LONP2: variants seen among roughly 807,000 people sequenced by gnomAD.
LONP2 encodes lon protease homolog 2, peroxisomal.
In LONP2, 60 loss-of-function variants were observed where a neutral mutation model predicts 85.6. The observed-to-expected ratio is 0.70, with a 90% CI of 0.57 to 0.87. The LOEUF (loss-of-function observed/expected upper bound fraction) is 0.87, where lower values mean the gene tolerates loss of function less well. Ranked by LOEUF, LONP2 falls within the 40% of genes least tolerant of loss-of-function variation. LONP2 has a pLI of 0.00. For missense variants in LONP2, 860 were observed against 1,063.5 expected, an observed-to-expected ratio of 0.81 and a Z score of 2.66; for synonymous variants, 395 against 389.7, an observed-to-expected ratio of 1.01 and a Z score of -0.16.
At chr16:48,284,242 T>C (rs1335780690) in intron 8 of LONP2, among the ~76,000 whole-genome samples, 5 of 152,192 alleles carry the variant, frequency 3.3e-5, no homozygotes, top group Non-Finnish European at 7.4e-5. Flanking sequence ...TTGTGAACCT[T>C]GTTGAAATTC....
chr16:48,343,521 A>G (rs1047567769), intron 12 of LONP2, among the ~76,000 whole-genome samples: 1 of 151,560 alleles, frequency 6.6e-6, no homozygotes, highest in African/African-American at 2.4e-5. Flanking sequence ...AGATTGTGAA[A>G]CCCCCGTCTC....
intron 4 of LONP2, among the ~76,000 whole-genome samples, chr16:48,260,542 T>A (rs1418468441): frequency 6.6e-6 from 1 of 152,234 alleles, no homozygotes; most frequent in East Asian, 1.9e-4. Context: ...GAGGCTGCAG[T>A]AAGCAGTGTT....
rs1972236030 is a variant in LONP2, at chr16:48,277,481, TAAGATTTGGA to T, written c.1383+5_1383+14del. 6.2e-7 allele frequency: 1 copy of T among 1,612,464 alleles called. No individual in the cohort carries two copies. Among genetic ancestry groups the T allele is most frequent in the Admixed American group, 1.7e-5 (1 of 59,770 alleles). Reference sequence around the variant, plus strand: ...GATCCAGCAGCAGCTCTGCTTGAGGTAAGATTTGGAAAATTCCCTGTCTGTCTTCATACTG... The same window carrying T: ...GATCCAGCAGCAGCTCTGCTTGAGGTAAATTCCCTGTCTGTCTTCATACTG... On this transcript the variant is annotated splice_donor_5th_base_variant and intron_variant, in intron 8 of 14. Transcript: ENST00000285737.
At chr16:48,287,352 A>G (rs371173415) in intron 8 of LONP2, among the ~76,000 whole-genome samples, 2 of 152,252 alleles carry the variant, frequency 1.3e-5, no homozygotes, top group South Asian at 2.1e-4. Flanking sequence ...GTCCCCATGA[A>G]TATCTCATTT....
At chr16:48,262,714 A>G (rs568418163) in intron 5 of LONP2, 64 bp from the exon 6 acceptor site, 2 of 1,052,398 alleles carry the variant, frequency 1.9e-6, no homozygotes, top group Admixed American at 4.3e-5. Flanking sequence ...GCTGTGTTTG[A>G]TTTTTCTGTT....
downstream of LONP2, chr16:48,360,544 C>T (rs1038684866): frequency 6.6e-6 from 1 of 152,488 alleles, no homozygotes; most frequent in African/African-American, 2.4e-5. Flanking sequence ...TTTTAATTTG[C>T]CAGATATTCT....
intron 8 of LONP2, among the ~76,000 whole-genome samples, chr16:48,293,626 C>CG (rs1972605082): frequency 6.6e-6 from 1 of 151,960 alleles, no homozygotes; most frequent in East Asian, 1.9e-4. Context: ...ATTGGGGTTA[C>CG]GGGGGATTCT....
chr16:48,327,928 A>G (rs1040858996), intron 11 of LONP2, among the ~76,000 whole-genome samples: 1 of 152,152 alleles, frequency 6.6e-6, no homozygotes, highest in Non-Finnish European at 1.5e-5. Flanking sequence ...GTGATTCCCA[A>G]CCGTTGTGTG....
intron 11 of LONP2, among the ~76,000 whole-genome samples, chr16:48,311,185 G>A (rs762338839): frequency 7.2e-5 from 11 of 152,076 alleles, no homozygotes; most frequent in South Asian, 2.1e-4. Flanking sequence ...CTTGTATCTG[G>A]ATGTCTAGAT....
At chr16:48,318,668 C>T (rs1425704429) in intron 11 of LONP2, among the ~76,000 whole-genome samples, 1 of 152,194 alleles carries the variant, frequency 6.6e-6, no homozygotes, top group Non-Finnish European at 1.5e-5. Context: ...TATCCTGCCA[C>T]GTAAGCAAGT....
chr16:48,269,198 C>CTTTTT, intron 6 of LONP2, among the ~76,000 whole-genome samples: 1 of 147,030 alleles, frequency 6.8e-6, no homozygotes, highest in African/African-American at 2.5e-5. Context: ...TTTACATCAT[C>CTTTTT]TGTTTTTTTT....
chr16:48,318,776 C>G (rs1345594878), intron 11 of LONP2, among the ~76,000 whole-genome samples: 1 of 152,184 alleles, frequency 6.6e-6, no homozygotes, highest in Admixed American at 6.5e-5. Flanking sequence ...CGCCTCTTCT[C>G]TTAGCCTTTC....
intron 11 of LONP2, among the ~76,000 whole-genome samples, chr16:48,319,790 A>G (rs1003333132): frequency 2.0e-5 from 3 of 152,196 alleles, no homozygotes; most frequent in Admixed American, 6.5e-5. Context: ...TATGGGAGGC[A>G]CTAACTCCAT....
At chr16:48,337,324 C>T (rs1453381954) in intron 12 of LONP2, among the ~76,000 whole-genome samples, 1 of 152,176 alleles carries the variant, frequency 6.6e-6, no homozygotes, top group Non-Finnish European at 1.5e-5. Flanking sequence ...CATTCATATT[C>T]TTACCAACTC....
At chr16:48,268,388 G>A (rs930383877) in intron 6 of LONP2, among the ~76,000 whole-genome samples, 4 of 152,060 alleles carry the variant, frequency 2.6e-5, no homozygotes, top group Middle Eastern at 3.4e-3. Flanking sequence ...AATGGATAAC[G>A]CATTATAACA....
intron 8 of LONP2, among the ~76,000 whole-genome samples, chr16:48,291,315 A>C (rs1382200209): frequency 6.6e-6 from 1 of 152,220 alleles, no homozygotes; most frequent in African/African-American, 2.4e-5. Flanking sequence ...AGCTATCGAC[A>C]AAAGATATAC....
chr16:48,361,786 G>A (rs979589878), downstream of LONP2: 2 of 1,614,100 alleles, frequency 1.2e-6, no homozygotes, highest in Non-Finnish European at 1.7e-6. Flanking sequence ...GCTTGCTTGC[G>A]TGTTCCTATC....
intron 8 of LONP2, among the ~76,000 whole-genome samples, chr16:48,282,745 C>T (rs1377981581): frequency 2.0e-5 from 3 of 152,148 alleles, no homozygotes; most frequent in African/African-American, 7.2e-5. Flanking sequence ...CCCTGAGACA[C>T]AGCAATATTG....
chr16:48,300,007 G>A (rs537968960), intron 10 of LONP2, among the ~76,000 whole-genome samples: 8 of 152,264 alleles, frequency 5.3e-5, no homozygotes, highest in Non-Finnish European at 7.4e-5. Flanking sequence ...GATTTACACC[G>A]TTCTCTACAC....
Sources: allele counts gnomAD v4.1 joint callset (sites outside exome capture counted in the v4.1 genomes callset), GRCh38; gene constraint gnomAD v4.1.1; transcripts MANE v1.5; gene names NCBI Gene and HGNC (gene_info 2026-07-23, HGNC 2026-07-21).